Variants in MAP3K15 observed in about 807,000 individuals in gnomAD.
MAP3K15 encodes mitogen-activated protein kinase kinase kinase 15.
In MAP3K15, 124 loss-of-function variants were observed where a neutral mutation model predicts 99.5. The ratio of observed to expected loss-of-function variants is 1.25; its 90% confidence interval spans 1.08 to 1.45. MAP3K15 has a LOEUF of 1.45. Ranked by LOEUF, MAP3K15 falls within the 40% of genes most tolerant of loss-of-function variation. MAP3K15 has a pLI of 0.00. For missense variants in MAP3K15, 1,242 were observed against 1,079.7 expected, an observed-to-expected ratio of 1.15 and a Z score of -2.11; for synonymous variants, 494 against 439.6, an observed-to-expected ratio of 1.12 and a Z score of -1.55.
At chrX:19,488,711 T>C (rs2064346418) in intron 2 of MAP3K15, 117 bp downstream of exon 2, 1 of 716,906 alleles carries the variant, frequency 1.4e-6, no homozygotes, top group Non-Finnish European at 2.0e-6. Flanking sequence ...AAGGAAAGAA[T>C]TGCACAAGCA....
chrX:19,424,940 C>T (rs1030981465), intron 9 of MAP3K15, among the ~76,000 whole-genome samples: 2 of 109,974 alleles, frequency 1.8e-5, no homozygotes, highest in African/African-American at 6.6e-5. Context: ...AGTCACTACA[C>T]CCAGTCTGTG....
Position 19,362,743 on chromosome X carries a change from G to C in MAP3K15, c.3674C>G (p.Ser1225Trp). 1 of 1,123,282 alleles carries C rather than the reference G, an allele frequency of 8.9e-7. No homozygotes were observed. Among genetic ancestry groups the C allele is most frequent in the Non-Finnish European group, 1.2e-6 (1 of 822,398 alleles). The allele number at this position is 1,123,282 out of a possible 1,213,427, so 92.6% of individuals were successfully genotyped here. A position where few individuals can be genotyped will look rare whatever the true frequency, so the allele number is the denominator to read the frequency against. The change falls in exon 26 of 29, where the codon TCG becomes TGG. Residue 1225 changes from serine to tryptophan, a missense_variant. Physicochemically the swap from Ser to Trp is radical, Grantham distance 177. Coordinates refer to ENST00000338883, the MANE Select transcript of MAP3K15 (RefSeq NM_001001671.4). Reference sequence around the variant, plus strand: ...CTCATTGGAAAATGACTTACAATTCGATTTTAATTTTAACTGAAGGTGATA... The same window carrying C: ...CTCATTGGAAAATGACTTACAATTCCATTTTAATTTTAACTGAAGGTGATA... ...ELYHLQLKLK[S>W]NCITENPAGP...
Position 19,515,025 on chromosome X carries a change from C to T in MAP3K15, c.237G>A (p.Pro79=). 11 of 1,067,291 alleles carry T rather than the reference C, an allele frequency of 1.0e-5. No individual in the cohort carries two copies. The highest frequency in any genetic ancestry group is 2.0e-5 in the African/African-American group (1 of 50,558). 88.0% of individuals were successfully genotyped at this position (1,067,291 alleles called of 1,213,427 possible). The change falls in exon 1 of 29, where the codon CCG becomes CCA. Residue 79 remains proline (P), a synonymous_variant. Coordinates refer to ENST00000338883, the MANE Select transcript of MAP3K15 (RefSeq NM_001001671.4). ...GCAGGCACTGCCGCGCCCCAGCCTC[C>T]GGGCCGCCGGCCGCGCCGCCCTGGG... The part of the protein sequence containing the change: ...ESSQGGAAGG[P]EAGARQCLLR...
chrX:19,371,291 G>A, intron 23 of MAP3K15, 54 bp downstream of exon 23: 6 of 1,121,826 alleles, frequency 5.3e-6, no homozygotes, highest in Non-Finnish European at 7.3e-6. Context: ...GGGAGGAGGT[G>A]GTAACTGAAT....
intron 3 of MAP3K15, among the ~76,000 whole-genome samples, chrX:19,467,362 C>A (rs1215856498): frequency 1.8e-5 from 2 of 110,693 alleles, no homozygotes; most frequent in Middle Eastern, 4.6e-3. Context: ...ATTCTTATTC[C>A]TCGCAGCCTG....
chrX:19,486,058 A>C (rs2064323443), intron 3 of MAP3K15, among the ~76,000 whole-genome samples: 1 of 111,792 alleles, frequency 8.9e-6, no homozygotes, highest in Admixed American at 9.5e-5. Context: ...TGTGGCAAGA[A>C]ACTTTTGCCC....
chrX:19,440,224 T>C (rs909480379), intron 6 of MAP3K15, among the ~76,000 whole-genome samples: 6 of 112,144 alleles, frequency 5.4e-5, no homozygotes, highest in Non-Finnish European at 1.1e-4. Flanking sequence ...ACTTCAGGGC[T>C]GCCTCATCAT....
At chrX:19,391,911 G>A in intron 18 of MAP3K15, 91 bp downstream of exon 18, 1 of 570,531 alleles carries the variant, frequency 1.8e-6, no homozygotes, top group South Asian at 2.7e-5. Flanking sequence ...CTCAGAAAAG[G>A]TGCTCACTAA....
chrX:19,363,901 C>T (rs1247538380), intron 25 of MAP3K15, among the ~76,000 whole-genome samples: 4 of 110,893 alleles, frequency 3.6e-5, no homozygotes, highest in African/African-American at 6.6e-5. Flanking sequence ...GATCCACCTG[C>T]CTCGGCCTCC....
At chrX:19,445,591 A>G (rs1002431570) in intron 6 of MAP3K15, among the ~76,000 whole-genome samples, 13 of 88,674 alleles carry the variant, frequency 1.5e-4, no homozygotes, top group Admixed American at 1.0e-3. Flanking sequence ...CTCTGTCTCA[A>G]AAAAAAAAAA....
Position 19,360,363 on chromosome X carries a change from CT to C in MAP3K15, c.*385del. 6.4e-6 allele frequency: 1 copy of C among 156,163 alleles called. No individual in the cohort carries two copies. Among genetic ancestry groups the C allele is most frequent in the Non-Finnish European group, 1.2e-5 (1 of 82,495 alleles). The allele number at this position is 156,163 out of a possible 1,213,427, so 12.9% of individuals were successfully genotyped here. ...ATTCCAGCAAGTGCTGAAGGGTGTACTTTTTTTGAGACAGGGTCGGGCTCTG... is the reference window on the plus strand; with the variant it reads ...ATTCCAGCAAGTGCTGAAGGGTGTACTTTTTTGAGACAGGGTCGGGCTCTG... On this transcript the variant is annotated 3_prime_UTR_variant, in exon 29 of 29. Transcript: ENST00000338883.
chrX:19,443,022 C>CCTTT (rs2063970922), intron 6 of MAP3K15, among the ~76,000 whole-genome samples: 1 of 17,237 alleles, frequency 5.8e-5, no homozygotes, highest in Non-Finnish European at 8.9e-5. Flanking sequence ...CCATGCCCGG[C>CCTTT]TTTTTTTTTT....
Position 19,417,100 on chromosome X carries a change from G to A in MAP3K15, c.1440-1843C>T, listed in dbSNP as rs73637643. Among the ~76,000 whole-genome samples, 65 of 111,436 alleles carry A rather than the reference G, an allele frequency of 5.8e-4. 1 individual carries two copies. The highest frequency in any genetic ancestry group is 1.4e-3 in the Admixed American group (15 of 10,549). ...TGGCTGAATACGAACAACTCCAGTC[G>A]ACAGCCCCCAGCATGAGCGATGCAG... On this transcript the variant is annotated intron_variant, in intron 9 of 28. Transcript: ENST00000338883.
chrX:19,362,925 T>C lies in MAP3K15; in HGVS notation c.3567-75A>G, dbSNP rs1602239273. 8.7e-6 allele frequency: 5 copies of C among 573,185 alleles called. No individual in the cohort carries two copies. The East Asian group carries it at 1.7e-4, about 19-fold the overall frequency. 47.2% of individuals were successfully genotyped at this position (573,185 alleles called of 1,213,427 possible). On this transcript the variant is annotated intron_variant, in intron 25 of 28. Transcript: ENST00000338883. The stretch of plus-strand genomic sequence containing the variant: ...CCATTCAATTTAACTCAAGCATCTG[T>C]TGTGCATACATTAGAGATGGAAAAA...
chrX:19,483,793 T>C (rs1310523715), intron 3 of MAP3K15, among the ~76,000 whole-genome samples: 1 of 111,864 alleles, frequency 8.9e-6, no homozygotes, highest in Non-Finnish European at 1.9e-5. Context: ...TTGCAAGATG[T>C]CCATTCTGCT....
intron 12 of MAP3K15, among the ~76,000 whole-genome samples, chrX:19,407,982 T>A (rs1345817800): frequency 8.9e-6 from 1 of 112,625 alleles, no homozygotes; most frequent in Non-Finnish European, 1.9e-5. Context: ...CCTTTCTAAG[T>A]TATCTCTTGC....
chrX:19,429,424 C>T (rs760096331), intron 7 of MAP3K15, among the ~76,000 whole-genome samples: 6 of 110,087 alleles, frequency 5.5e-5, no homozygotes, highest in African/African-American at 2.0e-4. Context: ...CCTGACTGGA[C>T]GGGGAGGTAA....
At chrX:19,452,376 GAGAA>G (rs1372054765) in intron 6 of MAP3K15, among the ~76,000 whole-genome samples, 1 of 42,171 alleles carries the variant, frequency 2.4e-5, no homozygotes. Flanking sequence ...GAAGAGAAGA[GAGAA>G]AAGAAAAGAG....
chrX:19,431,940 CTTTTTTTTT>C (rs773036480), intron 6 of MAP3K15, among the ~76,000 whole-genome samples: 1 of 81,057 alleles, frequency 1.2e-5, no homozygotes, highest in Non-Finnish European at 2.4e-5. Flanking sequence ...TGAGACCCTG[CTTTTTTTTT>C]TTTTTTTTTT....
Sources: allele counts gnomAD v4.1 joint callset (sites outside exome capture counted in the v4.1 genomes callset), GRCh38; gene constraint gnomAD v4.1.1; transcripts MANE v1.5; gene names NCBI Gene and HGNC (gene_info 2026-07-23, HGNC 2026-07-21).